ATP1A1: variants seen among roughly 807,000 people sequenced by gnomAD.
The protein encoded by ATP1A1 is sodium/potassium-transporting ATPase subunit alpha-1.
In ATP1A1, 14 loss-of-function variants were observed where a neutral mutation model predicts 114.8. That is an observed-to-expected ratio of 0.12 (90% confidence interval 0.08 to 0.19). ATP1A1 has a LOEUF of 0.19. ATP1A1 is among the 10% of genes least tolerant of loss of function. The probability of loss-of-function intolerance (pLI) is 1.00; values close to 1 mark genes in which losing one functional copy is unlikely to be tolerated. For missense variants in ATP1A1, 524 were observed against 1,290.7 expected (o/e 0.41, Z 9.10); for synonymous variants, 471 against 466.3 (o/e 1.01, Z -0.13).
intron 18 of ATP1A1, 135 bp from the exon 19 acceptor site, chr1:116,400,726 T>G: frequency 2.7e-6 from 3 of 1,111,296 alleles, no homozygotes; most frequent in Non-Finnish European, 3.8e-6. Flanking sequence ...GGCAATTCTT[T>G]CCTGTGCTTT....
chr1:116,403,953 C>G lies in ATP1A1; in HGVS notation c.3021C>G (p.Leu1007=). 1 of 1,614,226 alleles carries G rather than the reference C, an allele frequency of 6.2e-7. No individual in the cohort carries two copies. Among genetic ancestry groups the G allele is most frequent in the Non-Finnish European group, 8.5e-7 (1 of 1,180,022 alleles). The change falls in exon 22 of 23, where the codon CTC becomes CTG. Residue 1007 remains leucine, a synonymous_variant. Coordinates refer to ENST00000295598, the MANE Select transcript of ATP1A1 (RefSeq NM_000701.8). ...TCGTATATGACGAAGTCAGAAAACT[C>G]ATCATCAGGCGACGCCCTGGCGGTA... ...LIFVYDEVRK[L]IIRRRPGGWV...
At position 116,401,886 on chromosome 1, in the gene ATP1A1, C is replaced by T; in HGVS notation, c.2951+231C>T. Reference sequence around the variant, plus strand: ...GATTTGGCCCAAGATAAGATAAAGCCACACAGGCTCTAGCTCCATGGAACT... The same window carrying T: ...GATTTGGCCCAAGATAAGATAAAGCTACACAGGCTCTAGCTCCATGGAACT... On this transcript the variant is annotated intron_variant, in intron 21 of 22. Transcript: ENST00000295598. The surrounding 1 kb of genome is among the most constrained non-coding windows in gnomAD (Gnocchi z 4.7). 1.7e-6 allele frequency: 1 copy of T among 572,262 alleles called. No homozygotes were observed. The highest frequency in any genetic ancestry group is 3.0e-5 in the East Asian group (1 of 33,536). The allele number at this position is 572,262 out of a possible 1,614,324, so 35.4% of individuals were successfully genotyped here.
At chr1:116,390,515 G>T (rs1429284156) in intron 9 of ATP1A1, 104 bp downstream of exon 9, 8 of 1,171,532 alleles carry the variant, frequency 6.8e-6, no homozygotes, top group Non-Finnish European at 9.5e-6. Flanking sequence ...TAAGCTCATG[G>T]CAGCTTTTTC....
Position 116,384,769 on chromosome 1 carries a change from C to T in ATP1A1, c.124-14C>T. Reference sequence around the variant, plus strand: ...CACTGTTTAACTATTTTCTTTGTTTCTGTTTTCCCTTAGGATGATCATAAA... The same window carrying T: ...CACTGTTTAACTATTTTCTTTGTTTTTGTTTTCCCTTAGGATGATCATAAA... On this transcript the variant is annotated splice_polypyrimidine_tract_variant and intron_variant, in intron 2 of 22. Transcript: ENST00000295598. The surrounding 1 kb of genome is among the most constrained non-coding windows in gnomAD (Gnocchi z 5.1). 6.3e-7 allele frequency: 1 copy of T among 1,598,146 alleles called. No homozygotes were observed. The highest frequency in any genetic ancestry group is 8.5e-7 in the Non-Finnish European group (1 of 1,173,666).
At chr1:116,383,294 T>G in intron 1 of ATP1A1, 2 of 1,017,636 alleles carry the variant, frequency 2.0e-6, no homozygotes, top group Non-Finnish European at 2.4e-6. Context: ...TTTTAAGGAG[T>G]CTTAGGCTGA....
Position 116,393,862 on chromosome 1 carries a change from A to T in ATP1A1, c.1660+139A>T. ...TACATCTTTTAGGGGCAATCCTCCT[A>T]TTTGTTTATTTGCCCCCTATTATTT... On this transcript the variant is annotated intron_variant, in intron 12 of 22. Transcript: ENST00000295598. The surrounding 1 kb of genome is among the most constrained non-coding windows in gnomAD (Gnocchi z 5.0). 1.2e-6 allele frequency: 1 copy of T among 812,372 alleles called. No homozygotes were observed. Among genetic ancestry groups the T allele is most frequent in the South Asian group, 2.0e-5 (1 of 49,056 alleles). The allele number at this position is 812,372 out of a possible 1,614,324, so 50.3% of individuals were successfully genotyped here. A position where few individuals can be genotyped will look rare whatever the true frequency, so the allele number is the denominator to read the frequency against.
At position 116,404,389 on chromosome 1, in the gene ATP1A1, T is replaced by C. The variant is rs1245032144; in HGVS notation, c.3044-27T>C. ...AGCGAGGAAGACTCACTGTAGTGTG[T>C]CTTGTCTGTCTCTTTGCCACCCACA... On this transcript the variant is annotated intron_variant, in intron 22 of 22. Coordinates refer to ENST00000295598, the MANE Select transcript of ATP1A1 (RefSeq NM_000701.8). This position sits in a 1 kb window ranked among gnomAD's most constrained non-coding sequence, Gnocchi z 4.8. 1 of 1,613,832 alleles carries C rather than the reference T, an allele frequency of 6.2e-7. No individual in the cohort carries two copies. Among genetic ancestry groups the C allele is most frequent in the South Asian group, 1.1e-5 (1 of 91,026 alleles).
At chr1:116,374,752 CCAGGGTTTAGCACAGTGCAGA>C (rs1295841208) in intron 1 of ATP1A1, among the ~76,000 whole-genome samples, 1 of 152,182 alleles carries the variant, frequency 6.6e-6, no homozygotes, top group Non-Finnish European at 1.5e-5. Flanking sequence ...TTCGTTGTCT[CCAGGGTTTAGCACAGTGCAGA>C]CACTGAGTAG....
Position 116,390,157 on chromosome 1 carries a change from CTG to C in ATP1A1, c.1024-54_1024-53del. ...TTCCACATTAGGATATAGCAAGAAT[CTG>C]TATAGAATTCCAGCCTGGTTGAGTG... On this transcript the variant is annotated intron_variant, in intron 8 of 22. Coordinates refer to ENST00000295598, the MANE Select transcript of ATP1A1 (RefSeq NM_000701.8). 8 of 1,526,736 alleles carry C rather than the reference CTG, an allele frequency of 5.2e-6. No homozygotes were observed. The South Asian group carries it at 9.0e-5, about 17-fold the overall frequency. The allele number at this position is 1,526,736 out of a possible 1,614,324, so 94.6% of individuals were successfully genotyped here.
rs1381555751 is a variant in ATP1A1, at chr1:116,398,197, A to G, written c.2124+159A>G. 6.6e-6 allele frequency among the ~76,000 whole-genome samples: 1 copy of G among 152,168 alleles called. No homozygotes were observed. The highest frequency in any genetic ancestry group is 6.5e-5 in the Admixed American group (1 of 15,276). On this transcript the variant is annotated intron_variant, in intron 15 of 22. Transcript: ENST00000295598. This position sits in a 1 kb window ranked among gnomAD's most constrained non-coding sequence, Gnocchi z 6.1. ...GAAGCTCATAGGCATAGAGAGGGTG[A>G]CTTGTTAATGGTTTAGCAGTGACAG...
chr1:116,402,840 T>C (rs935148481), intron 21 of ATP1A1, among the ~76,000 whole-genome samples: 1 of 152,176 alleles, frequency 6.6e-6, no homozygotes, highest in Non-Finnish European at 1.5e-5. Context: ...TGCTTGTCAT[T>C]TCACCTCCCT....
intron 10 of ATP1A1, chr1:116,392,102 C>A (rs927708538): frequency 4.6e-5 from 7 of 152,144 alleles, no homozygotes; most frequent in African/African-American, 1.7e-4. Flanking sequence ...CATATGCAGC[C>A]TTACATGTTA....
In ATP1A1 at chr1:116,393,010, C is replaced by T. The variant is rs377045881; in HGVS notation, c.1467+22C>T. On this transcript the variant is annotated intron_variant, in intron 11 of 22. Coordinates refer to ENST00000295598, the MANE Select transcript of ATP1A1 (RefSeq NM_000701.8). This position sits in a 1 kb window ranked among gnomAD's most constrained non-coding sequence, Gnocchi z 5.0. ...CCAGGTCTGAAGATCGATGGGTACA[C>T]GGAGGGCGAGGGCAAGCTGGGGGAC... 1.2e-5 allele frequency: 20 copies of T among 1,612,362 alleles called. No homozygotes were observed. The highest frequency in any genetic ancestry group is 6.7e-5 in the African/African-American group (5 of 74,842).
At chr1:116,394,863 T>C (rs1234584635) in intron 12 of ATP1A1, among the ~76,000 whole-genome samples, 1 of 152,198 alleles carries the variant, frequency 6.6e-6, no homozygotes, top group Non-Finnish European at 1.5e-5. Context: ...TTCTCCACAT[T>C]AAACAATTTC....
Position 116,388,059 on chromosome 1 carries a change from G to A in ATP1A1, c.388-72G>A, listed in dbSNP as rs983824184. The A allele has an allele frequency of 4.9e-5, 49 of 995,780 alleles. No homozygotes were observed. The African/African-American group carries it at 5.5e-4, about 11-fold the overall frequency. 61.7% of individuals were successfully genotyped at this position (995,780 alleles called of 1,614,324 possible). On this transcript the variant is annotated intron_variant, in intron 4 of 22. Coordinates refer to ENST00000295598, the MANE Select transcript of ATP1A1 (RefSeq NM_000701.8). The surrounding 1 kb of genome is among the most constrained non-coding windows in gnomAD (Gnocchi z 5.6). ...CTATTAAAAATCTGTTTTTTATTCA[G>A]TCAAAAAATTAATTGAATGTCCCTA...
At position 116,375,990 on chromosome 1, in the gene ATP1A1, A is replaced by C. The variant is rs149712221; in HGVS notation, c.12+2467A>C. 8.3e-3 allele frequency among the ~76,000 whole-genome samples: 1,271 copies of C among 152,334 alleles called. 16 individuals carry two copies. The highest frequency in any genetic ancestry group is 0.029 in the African/African-American group (1,209 of 41,578). ...TTGCTGAATCATTCCTGGATGAAAT[A>C]GGATTTTGTCCCTTTTTTTCTTTCT... On this transcript the variant is annotated intron_variant, in intron 1 of 22. Transcript: ENST00000295598.
rs769444066 is a variant in ATP1A1 at position 116,404,224 on chromosome 1, TA to T, written c.3044-189del. ...GATTTAGTGAAAACTTGTCAGAATCTAAACCATCTTTCCAGGTAACTTGGTA... is the reference window on the plus strand; with the variant it reads ...GATTTAGTGAAAACTTGTCAGAATCTAACCATCTTTCCAGGTAACTTGGTA... On this transcript the variant is annotated intron_variant, in intron 22 of 22. Transcript: ENST00000295598. This position sits in a 1 kb window ranked among gnomAD's most constrained non-coding sequence, Gnocchi z 4.8. Among the ~76,000 whole-genome samples the T allele has an allele frequency of 2.6e-5, 4 of 152,234 alleles. No homozygotes were observed. Among genetic ancestry groups the T allele is most frequent in the Non-Finnish European group, 5.9e-5 (4 of 68,040 alleles).
In ATP1A1 at chr1:116,401,346, A is replaced by G; in HGVS notation, c.2849+86A>G. The G allele has an allele frequency of 6.3e-7, 1 of 1,591,964 alleles. No individual in the cohort carries two copies. The highest frequency in any genetic ancestry group is 1.7e-5 in the Admixed American group (1 of 58,942). ...CCCTTTGCCAAAAACTAAACATATG[A>G]CACATATAGCCAGGTTTCTGGAATC... On this transcript the variant is annotated intron_variant, in intron 20 of 22. Transcript: ENST00000295598. This position sits in a 1 kb window ranked among gnomAD's most constrained non-coding sequence, Gnocchi z 4.7.
chr1:116,379,620 A>C (rs1651604920), intron 1 of ATP1A1, among the ~76,000 whole-genome samples: 1 of 152,232 alleles, frequency 6.6e-6, no homozygotes, highest in African/African-American at 2.4e-5. Context: ...TCAAATGAAA[A>C]ATAATGCCAA....
Sources: allele counts gnomAD v4.1 joint callset (sites outside exome capture counted in the v4.1 genomes callset), GRCh38; gene constraint gnomAD v4.1.1; non-coding constraint Gnocchi (gnomAD v3.1); transcripts MANE v1.5; gene names NCBI Gene and HGNC (gene_info 2026-07-23, HGNC 2026-07-21).